The following ANK2 variants were observed in gnomAD, a reference collection of about 807,000 sequenced individuals.
ANK2 encodes ankyrin-2.
In ANK2, 83 loss-of-function variants were observed where a neutral mutation model predicts 360.5. The observed-to-expected ratio is 0.23, with a 90% CI of 0.19 to 0.28. ANK2 has a LOEUF of 0.28. ANK2 is among the 10% of genes least tolerant of loss of function. The probability of loss-of-function intolerance (pLI) is 1.00; values close to 1 mark genes in which losing one functional copy is unlikely to be tolerated. For missense variants in ANK2, 4,201 were observed against 4,795.7 expected (o/e 0.88, Z 3.66); for synonymous variants, 1,740 against 1,759.5 (o/e 0.99, Z 0.28).
intron 1 of ANK2, among the ~76,000 whole-genome samples, chr4:113,134,805 A>G (rs1033629574): frequency 6.6e-5 from 10 of 152,190 alleles, no homozygotes; most frequent in African/African-American, 2.4e-4. Context: ...TGACCTTTGT[A>G]TTTAGTAAAA....
chr4:112,962,436 A>G (rs1456561871), intron 2 of ANK2, among the ~76,000 whole-genome samples: 2 of 152,066 alleles, frequency 1.3e-5, no homozygotes, highest in South Asian at 2.1e-4. Context: ...TCTTTATCCA[A>G]TCCACTGTTG....
At position 113,358,610 on chromosome 4, in the gene ANK2, C is replaced by T. The variant is rs1399924196; in HGVS notation, c.9992C>T (p.Ser3331Phe). 1.2e-6 allele frequency: 2 copies of T among 1,614,074 alleles called. No homozygotes were observed. The highest frequency in any genetic ancestry group is 1.7e-5 in the Admixed American group (1 of 60,010). Residue 3331 changes from serine to phenylalanine, a missense_variant, in exon 38 of 46, where the codon TCC (serine) becomes TTC (phenylalanine). Ser to Phe is a radical substitution (Grantham distance 155). Coordinates refer to ENST00000357077, the MANE Select transcript of ANK2 (RefSeq NM_001148.6). Reference sequence around the variant, plus strand: ...AGTTCAGTTTCTGAAGATTTTCTATCCAGTGTAGATGAGGAAAATAAGGCG... The same window carrying T: ...AGTTCAGTTTCTGAAGATTTTCTATTCAGTGTAGATGAGGAAAATAAGGCG... ...YESSVSEDFL[S>F]SVDEENKADE...
chr4:112,728,931 C>A, the ANK2 span, among the ~76,000 whole-genome samples: 1 of 152,022 alleles, frequency 6.6e-6, no homozygotes, highest in South Asian at 2.1e-4. Context: ...AATCCTGGCA[C>A]TTTTTTGGCA....
chr4:112,891,604 C>T (rs2080051988), intron 1 of ANK2, among the ~76,000 whole-genome samples: 1 of 152,114 alleles, frequency 6.6e-6, no homozygotes, highest in African/African-American at 2.4e-5. Flanking sequence ...AATCCTGATT[C>T]TACTATTTAC....
intron 2 of ANK2, among the ~76,000 whole-genome samples, chr4:113,015,904 G>A (rs1028687690): frequency 1.3e-5 from 2 of 152,118 alleles, no homozygotes; most frequent in Non-Finnish European, 2.9e-5. Context: ...TAATGAAGGA[G>A]ATAATAATGT....
intron 1 of ANK2, among the ~76,000 whole-genome samples, chr4:113,154,257 T>C (rs76857480): frequency 0.015 from 2,287 of 152,360 alleles, 64 homozygotes; most frequent in African/African-American, 0.051. Context: ...CAAAAACTAA[T>C]AATTACTGTG....
chr4:113,140,776 C>T (rs2096608215), intron 1 of ANK2, among the ~76,000 whole-genome samples: 4 of 151,970 alleles, frequency 2.6e-5, no homozygotes, highest in Admixed American at 2.6e-4. Flanking sequence ...GTCAGGAGTT[C>T]AAGACCAGCC....
chr4:113,357,351 T>A lies in ANK2; in HGVS notation c.8733T>A (p.Ser2911=), dbSNP rs1303684517. 1 of 1,613,982 alleles carries A rather than the reference T, an allele frequency of 6.2e-7. No individual in the cohort carries two copies. Among genetic ancestry groups the A allele is most frequent in the African/African-American group, 1.3e-5 (1 of 74,926 alleles). ...TDRFSMDVPV[S]DLAENDEIYD... ...GATTTTCCATGGATGTTCCCGTGTC[T>A]GACCTAGCTGAGAATGATGAAATCT... The change falls in exon 38 of 46, where the codon TCT becomes TCA. Residue 2911 remains serine (S), a synonymous_variant. Transcript: ENST00000357077.
At chr4:112,876,538 T>C (rs373936624) in intron 1 of ANK2, among the ~76,000 whole-genome samples, 1 of 152,068 alleles carries the variant, frequency 6.6e-6, no homozygotes, top group African/African-American at 2.4e-5. Context: ...AACTTTGAGA[T>C]AGGATATACC....
At chr4:113,080,219 C>T (rs997682827) in intron 1 of ANK2, among the ~76,000 whole-genome samples, 3 of 152,198 alleles carry the variant, frequency 2.0e-5, no homozygotes, top group Non-Finnish European at 4.4e-5. Flanking sequence ...TTCTTAATGC[C>T]TTGATTCTGG....
At chr4:113,291,187 T>C (rs1345950802) in intron 20 of ANK2, among the ~76,000 whole-genome samples, 1 of 152,254 alleles carries the variant, frequency 6.6e-6, no homozygotes, top group Non-Finnish European at 1.5e-5. Flanking sequence ...ACTTGGCTGA[T>C]ACTGAAAAGA....
At chr4:112,717,956 C>G in the ANK2 span, among the ~76,000 whole-genome samples, 6 of 152,328 alleles carry the variant, frequency 3.9e-5, no homozygotes, top group East Asian at 1.2e-3. Context: ...TTTCATCTGA[C>G]AGTACAAAAT....
the ANK2 span, among the ~76,000 whole-genome samples, chr4:112,718,125 C>G: frequency 6.6e-6 from 1 of 152,238 alleles, no homozygotes; most frequent in Admixed American, 6.5e-5. Context: ...CACATTCTCT[C>G]CTGCCTATTC....
intron 13 of ANK2, among the ~76,000 whole-genome samples, chr4:113,259,994 T>C (rs2051849939): frequency 6.6e-6 from 1 of 152,144 alleles, no homozygotes; most frequent in African/African-American, 2.4e-5. Context: ...ATTCCAATGC[T>C]TATAGGATCA....
chr4:112,820,161 T>G (rs192994518), intron 1 of ANK2, among the ~76,000 whole-genome samples: 3 of 152,370 alleles, frequency 2.0e-5, no homozygotes. Context: ...TCCATCTCAC[T>G]CACACAACTA....
At chr4:113,158,784 G>T (rs1472710565) in intron 1 of ANK2, among the ~76,000 whole-genome samples, 1 of 152,082 alleles carries the variant, frequency 6.6e-6, no homozygotes, top group Non-Finnish European at 1.5e-5. Flanking sequence ...GGTATCTATG[G>T]TGTTAATTTG....
intron 1 of ANK2, among the ~76,000 whole-genome samples, chr4:112,843,179 T>G (rs1478869361): frequency 1.3e-5 from 2 of 152,234 alleles, no homozygotes; most frequent in African/African-American, 4.8e-5. Flanking sequence ...TAAAATGACA[T>G]TTAAGGGTTC....
In ANK2 at chr4:112,936,844, A is replaced by G. The variant is rs531651222; in HGVS notation, c.21+32330A>G. ...CACTCTGTTGCCCAGGCTGTAGTGC[A>G]GTGGCGTGATCATAGCTCATTGCAG... On this transcript the variant is annotated intron_variant, in intron 2 of 30. Coordinates refer to the ANK2 transcript ENST00000503271. Among the ~76,000 whole-genome samples the G allele has an allele frequency of 4.1e-3, 619 of 152,218 alleles. 2 individuals are homozygous for G. Among genetic ancestry groups the G allele is most frequent in the Admixed American group, 7.6e-3 (116 of 15,300 alleles).
At chr4:113,147,826 G>A (rs1232183614) in intron 1 of ANK2, among the ~76,000 whole-genome samples, 1 of 152,176 alleles carries the variant, frequency 6.6e-6, no homozygotes, top group African/African-American at 2.4e-5. Flanking sequence ...AATTGGCTTG[G>A]CAGCTCCAAA....
Sources: allele counts gnomAD v4.1 joint callset (sites outside exome capture counted in the v4.1 genomes callset), GRCh38; gene constraint gnomAD v4.1.1; transcripts MANE v1.5; gene names NCBI Gene and HGNC (gene_info 2026-07-23, HGNC 2026-07-21).